The following CCN6 variants were observed in gnomAD, a reference collection of about 807,000 sequenced individuals.
CCN6 encodes CCN family member 6.
A neutral mutation model predicts 37.4 loss-of-function variants in CCN6; 31 were observed. The observed-to-expected ratio is 0.83, with a 90% CI of 0.62 to 1.12. The LOEUF is 1.12. Ranked by LOEUF, CCN6 falls within the 50% of genes most tolerant of loss-of-function variation. The pLI, the probability that CCN6 is intolerant of heterozygous loss-of-function variation, is 0.00. For synonymous variants in CCN6, 137 were observed against 142.1 expected, an observed-to-expected ratio of 0.96 and a Z score of 0.26; for missense variants, 369 against 413.8, an observed-to-expected ratio of 0.89 and a Z score of 0.94.
chr6:112,066,521 A>T (rs1776700922), intron 3 of CCN6, among the ~76,000 whole-genome samples: 1 of 152,192 alleles, frequency 6.6e-6, no homozygotes, highest in Non-Finnish European at 1.5e-5. Context: ...TTTGTCAGGT[A>T]AAACAAGAAA....
chr6:112,056,559 T>C (rs1562593129), intron 1 of CCN6, among the ~76,000 whole-genome samples: 1 of 152,102 alleles, frequency 6.6e-6, no homozygotes, highest in Non-Finnish European at 1.5e-5. Context: ...CTCTGTTGCC[T>C]AGGCTGGAGT....
At chr6:112,063,416 T>C (rs181641325) in intron 2 of CCN6, among the ~76,000 whole-genome samples, 24 of 152,326 alleles carry the variant, frequency 1.6e-4, no homozygotes, top group Non-Finnish European at 2.4e-4. Context: ...TTGGAATAGA[T>C]CTTTTACTCA....
intron 4 of CCN6, among the ~76,000 whole-genome samples, 199 bp from the exon 5 acceptor site, chr6:112,069,140 A>G (rs1282574147): frequency 1.3e-5 from 2 of 152,178 alleles, no homozygotes; most frequent in Non-Finnish European, 2.9e-5. Context: ...AGTACGTGCT[A>G]TAATATGATG....
rs781797281 is a variant in CCN6 at position 112,064,970 on chromosome 6, C to A, written c.562C>A (p.Leu188Ile). The change falls in exon 3 of 5, where the codon CTT becomes ATT. Residue 188 changes from leucine to isoleucine, a missense_variant. Leu to Ile is a conservative substitution (Grantham distance 5). Coordinates refer to ENST00000368666, the MANE Select transcript of CCN6 (RefSeq NM_198239.2). ...TAGCCTGGAACCATTACTACAGCAGCTTTCAACAAGCTACAAAACAATGCC... is the reference window on the plus strand; with the variant it reads ...TAGCCTGGAACCATTACTACAGCAGATTTCAACAAGCTACAAAACAATGCC... ...NCSLEPLLQQLSTSYKTMPAY... is the reference protein window; with the variant it reads ...NCSLEPLLQQISTSYKTMPAY... 2.4e-5 allele frequency: 39 copies of A among 1,613,906 alleles called. 1 individual carries two copies. Among genetic ancestry groups the A allele is most frequent in the South Asian group, 7.7e-5 (7 of 91,088 alleles).
intron 1 of CCN6, among the ~76,000 whole-genome samples, chr6:112,059,361 C>A (rs1389719265): frequency 2.6e-5 from 4 of 152,184 alleles, no homozygotes; most frequent in Non-Finnish European, 5.9e-5. Flanking sequence ...TAAAATCAAG[C>A]GTTGGCAGGA....
upstream of CCN6, chr6:112,054,090 GAAAGTGCT>G: frequency 1.6e-6 from 1 of 625,476 alleles, no homozygotes; most frequent in African/African-American, 1.8e-5. Context: ...GTCCCGGGAG[GAAAGTGCT>G]CGCCCATTCC....
At chr6:112,062,340 C>A (rs868995334) in intron 2 of CCN6, among the ~76,000 whole-genome samples, 22 of 152,264 alleles carry the variant, frequency 1.4e-4, no homozygotes, top group Middle Eastern at 6.8e-3. Context: ...ACCTATCAAA[C>A]AAAGTGGCAT....
intron 1 of CCN6, among the ~76,000 whole-genome samples, chr6:112,057,846 C>A (rs1554312069): frequency 6.6e-6 from 1 of 151,902 alleles, no homozygotes; most frequent in Non-Finnish European, 1.5e-5. Flanking sequence ...CAGGAGCCTG[C>A]GGAGGAGATT....
rs1554311351 is a variant in CCN6, at chr6:112,054,301, G to A, written c.-57G>A. 1 of 1,614,024 alleles carries A rather than the reference G, an allele frequency of 6.2e-7. No individual in the cohort carries two copies. The highest frequency in any genetic ancestry group is 1.1e-5 in the South Asian group (1 of 91,066). On this transcript the variant is annotated 5_prime_UTR_variant, in exon 1 of 5. Transcript: ENST00000368666. ...GACAGGGGAGCTTTGTGTACCCGGA[G>A]CAATGAACAAGCGGCGACTTCTCTA...
intron 1 of CCN6, among the ~76,000 whole-genome samples, chr6:112,058,513 C>T (rs1357074663): frequency 6.6e-6 from 1 of 152,094 alleles, no homozygotes; most frequent in Non-Finnish European, 1.5e-5. Flanking sequence ...GGCTTTACGG[C>T]TAGTGGAAGA....
intron 3 of CCN6, chr6:112,067,121 A>G: frequency 1.0e-6 from 1 of 998,604 alleles, no homozygotes; most frequent in South Asian, 1.4e-5. Flanking sequence ...GTGTCACAGT[A>G]TCAATTAAAA....
chr6:112,066,912 T>C (rs987255439), intron 3 of CCN6: 15 of 1,301,964 alleles, frequency 1.2e-5, no homozygotes, highest in Non-Finnish European at 1.4e-5. Flanking sequence ...CAGCTGTCGG[T>C]TTAACAAGTG....
At position 112,064,911 on chromosome 6, in the gene CCN6, C is replaced by A. The variant is rs782346266; in HGVS notation, c.503C>A (p.Ala168Asp). 3.7e-6 allele frequency: 6 copies of A among 1,614,044 alleles called. No individual in the cohort carries two copies. Among genetic ancestry groups the A allele is most frequent in the Middle Eastern group, 3.3e-4 (2 of 6,062 alleles). The change falls in exon 3 of 5, where the codon GCT becomes GAT. Residue 168 changes from alanine (A) to aspartate (D), a missense_variant. Ala to Asp is a moderately radical substitution (Grantham distance 126, BLOSUM62 -2). Transcript: ENST00000368666. ...CTGGCTGGCAGTCACTGCTCTGGAG[C>A]TAAAGGTGGAAAGAAGTCTGATCAG... is the stretch of plus-strand genomic sequence containing the variant. Reference protein sequence around the residue: ...PKLAGSHCSGAKGGKKSDQSN... With the variant: ...PKLAGSHCSGDKGGKKSDQSN...
upstream of CCN6, among the ~76,000 whole-genome samples, chr6:112,053,850 G>A (rs1262030826): frequency 2.2e-5 from 3 of 135,224 alleles, no homozygotes; most frequent in South Asian, 5.5e-4. Flanking sequence ...GCTAGGCTGC[G>A]ATGGGTGCTG....
chr6:112,059,870 C>T, intron 1 of CCN6: 1 of 1,137,860 alleles, frequency 8.8e-7, no homozygotes, highest in Non-Finnish European at 1.2e-6. Context: ...AGAAAGTAAA[C>T]AACTGAAATG....
chr6:112,061,018 C>T lies in CCN6; in HGVS notation c.76C>T (p.Pro26Ser), dbSNP rs372990864. 3.7e-6 allele frequency: 6 copies of T among 1,614,014 alleles called. No individual in the cohort carries two copies. The highest frequency in any genetic ancestry group is 1.7e-5 in the Admixed American group (1 of 59,986). ...QFCCRVQGTG[P>S]LDTTPEGRPG... ...CTGCTGCAGGGTACAGGGCACTGGACCATTAGATACAACACCTGAAGGAAG... is the reference window on the plus strand; with the variant it reads ...CTGCTGCAGGGTACAGGGCACTGGATCATTAGATACAACACCTGAAGGAAG... The change falls in exon 2 of 5, where the codon CCA becomes TCA. Residue 26 changes from proline to serine, a missense_variant. Coordinates refer to ENST00000368666, the MANE Select transcript of CCN6 (RefSeq NM_198239.2).
In CCN6 at chr6:112,054,234, G is replaced by A; in HGVS notation, c.-124G>A. On this transcript the variant is annotated 5_prime_UTR_variant, in exon 1 of 5. Coordinates refer to ENST00000368666, the MANE Select transcript of CCN6 (RefSeq NM_198239.2). ...AAAGTTGGTAGTGTGGGAGGTAGAGGGTGTGTGTTCTTGTGCAGAGGAGCG... is the reference window on the plus strand; with the variant it reads ...AAAGTTGGTAGTGTGGGAGGTAGAGAGTGTGTGTTCTTGTGCAGAGGAGCG... The A allele has an allele frequency of 7.7e-7, 1 of 1,295,080 alleles. No individual in the cohort carries two copies. Among genetic ancestry groups the A allele is most frequent in the Non-Finnish European group, 1.1e-6 (1 of 888,816 alleles). The allele number at this position is 1,295,080 out of a possible 1,614,324, so 80.2% of individuals were successfully genotyped here.
intron 3 of CCN6, chr6:112,067,090 A>G (rs1477154061): frequency 8.0e-7 from 1 of 1,253,518 alleles, no homozygotes; most frequent in African/African-American, 1.5e-5. Flanking sequence ...AAGAGACTCT[A>G]CTGTCATAAC....
chr6:112,064,700 CTAGACTA>C, intron 2 of CCN6, 48 bp from the exon 3 acceptor site: 1 of 1,612,502 alleles, frequency 6.2e-7, no homozygotes, highest in Non-Finnish European at 8.5e-7. Flanking sequence ...AATTGGAGGT[CTAGACTA>C]TCACAGATCA....
Sources: allele counts gnomAD v4.1 joint callset (sites outside exome capture counted in the v4.1 genomes callset), GRCh38; gene constraint gnomAD v4.1.1; transcripts MANE v1.5; gene names NCBI Gene and HGNC (gene_info 2026-07-23, HGNC 2026-07-21).